SYN3: variants seen among roughly 807,000 people sequenced by gnomAD.
SYN3 encodes the protein synapsin III, also known as synapsin-3.
A neutral mutation model predicts 65.8 loss-of-function variants in SYN3; 35 were observed. The ratio of observed to expected loss-of-function variants is 0.53; its 90% CI spans 0.41 to 0.70. The LOEUF is 0.70. Among genes scored for constraint, SYN3 ranks in the 30% least tolerant of loss-of-function variants. The probability of loss-of-function intolerance (pLI) is 0.00; values close to 1 mark genes in which losing one functional copy is unlikely to be tolerated. For synonymous variants in SYN3, 270 were observed against 292.9 expected (o/e 0.92, Z 0.80); for missense variants, 680 against 749.0 (o/e 0.91, Z 1.08).
chr22:32,834,689 C>T (rs2047679003), intron 6 of SYN3, among the ~76,000 whole-genome samples: 1 of 152,208 alleles, frequency 6.6e-6, no homozygotes, highest in Non-Finnish European at 1.5e-5. Context: ...CATTACAGCC[C>T]TCCTTCAAAG....
chr22:32,807,023 C>T (rs922704875), intron 6 of SYN3, among the ~76,000 whole-genome samples: 1 of 151,524 alleles, frequency 6.6e-6, no homozygotes, highest in African/African-American at 2.4e-5. Context: ...TTCAACAATG[C>T]GTACTAGAGA....
chr22:32,639,352 G>C (rs1171025597), intron 6 of SYN3, among the ~76,000 whole-genome samples: 1 of 152,114 alleles, frequency 6.6e-6, no homozygotes, highest in East Asian at 1.9e-4. Context: ...GTGAATAAGG[G>C]AGTCCTTTCC....
intron 6 of SYN3, among the ~76,000 whole-genome samples, chr22:32,632,434 A>AC (rs5845011): frequency 0.66 from 99,556 of 151,984 alleles, 34,302 homozygotes; most frequent in African/African-American, 0.86. Context: ...CACAAACAAG[A>AC]CATGTTTGTG....
chr22:32,604,944 T>G (rs1207359804), intron 6 of SYN3, among the ~76,000 whole-genome samples: 5 of 143,824 alleles, frequency 3.5e-5, no homozygotes, highest in Admixed American at 7.3e-5. Flanking sequence ...AGGTGGAGCT[T>G]GCAGTGAGCC....
chr22:32,962,250 C>T, intron 3 of SYN3, among the ~76,000 whole-genome samples: 1 of 151,022 alleles, frequency 6.6e-6, no homozygotes, highest in African/African-American at 2.4e-5. Context: ...ATTCTCCTGC[C>T]TCAGCCTCCT....
intron 4 of SYN3, among the ~76,000 whole-genome samples, chr22:32,920,789 A>G (rs2050317204): frequency 6.6e-6 from 1 of 152,118 alleles, no homozygotes. Context: ...TCCCTTGCTG[A>G]AAGGTTTCTG....
intron 3 of SYN3, among the ~76,000 whole-genome samples, chr22:32,970,385 T>C (rs1337504259): frequency 6.6e-6 from 1 of 151,428 alleles, no homozygotes; most frequent in Non-Finnish European, 1.5e-5. Context: ...CTCACACCTG[T>C]AATCCCGACA....
chr22:32,850,859 A>T (rs2048199017), intron 6 of SYN3, among the ~76,000 whole-genome samples: 4 of 152,180 alleles, frequency 2.6e-5, no homozygotes, highest in Admixed American at 2.6e-4. Context: ...AAGGGAGTGG[A>T]GGAGTGACGC....
intron 6 of SYN3, among the ~76,000 whole-genome samples, chr22:32,651,564 T>TTGAATGAATGAATGAATGAATGAA (rs143229085): frequency 3.0e-4 from 46 of 150,960 alleles, no homozygotes; most frequent in South Asian, 6.3e-4. Context: ...GGATGCATGC[T>TTGAATGAATGAATGAATGAATGAA]TGAATGAATG....
chr22:32,998,477 C>T lies in SYN3; in HGVS notation c.311+7875G>A, dbSNP rs116194574. Among the ~76,000 whole-genome samples, 249 of 152,092 alleles carry T rather than the reference C, an allele frequency of 1.6e-3. 2 individuals carry two copies. Among genetic ancestry groups the T allele is most frequent in the African/African-American group, 5.8e-3 (239 of 41,486 alleles). On this transcript the variant is annotated intron_variant, in intron 2 of 13. Coordinates refer to ENST00000358763, the MANE Select transcript of SYN3 (RefSeq NM_003490.4). ...CAGCAAAGATAGCAATAGATCATTG[C>T]GGAAATGGAAGAGCAGATTTTCTGA...
chr22:32,637,729 C>T (rs1321761613), intron 6 of SYN3, among the ~76,000 whole-genome samples: 1 of 145,292 alleles, frequency 6.9e-6, no homozygotes, highest in Admixed American at 7.1e-5. Context: ...CTTCTGCTTC[C>T]AAGGCTTAAG....
At chr22:32,927,313 A>G (rs970726479) in intron 4 of SYN3, among the ~76,000 whole-genome samples, 8 of 150,956 alleles carry the variant, frequency 5.3e-5, no homozygotes, top group Admixed American at 4.6e-4. Flanking sequence ...ACCCAGGCTA[A>G]AGTGCAGTGG....
chr22:32,811,498 A>C (rs1468932551), intron 6 of SYN3, among the ~76,000 whole-genome samples: 1 of 152,166 alleles, frequency 6.6e-6, no homozygotes, highest in African/African-American at 2.4e-5. Context: ...GCTGAGTTTC[A>C]ATTCAAAATC....
At chr22:32,933,403 C>T (rs368284509) in intron 3 of SYN3, among the ~76,000 whole-genome samples, 17 of 152,166 alleles carry the variant, frequency 1.1e-4, no homozygotes, top group Non-Finnish European at 2.1e-4. Context: ...CAAACCCAGG[C>T]GGTGTGGCAC....
intron 3 of SYN3, among the ~76,000 whole-genome samples, chr22:32,966,208 C>G (rs550865215): frequency 1.3e-5 from 2 of 152,208 alleles, no homozygotes; most frequent in East Asian, 3.9e-4. Context: ...AGGGAAGAGG[C>G]ACCTCACCCT....
Position 32,512,357 on chromosome 22 carries a change from C to A in SYN3, c.*1335G>T, listed in dbSNP as rs945676220. 8.5e-5 allele frequency among the ~76,000 whole-genome samples: 13 copies of A among 152,180 alleles called. No homozygotes were observed. Among genetic ancestry groups the A allele is most frequent in the African/African-American group, 3.1e-4 (13 of 41,448 alleles). On this transcript the variant is annotated 3_prime_UTR_variant, in exon 14 of 14. Transcript: ENST00000358763. ...GGCTAACATGGCTATGTTCTAATAT[C>A]TTGGGCTCTCTTTGGGACCAGGAGG...
At chr22:32,819,678 C>T (rs113376806) in intron 6 of SYN3, among the ~76,000 whole-genome samples, 75 of 152,272 alleles carry the variant, frequency 4.9e-4, no homozygotes, top group Middle Eastern at 6.8e-3. Context: ...CAATCAAGGA[C>T]CTGGAGTAAG....
rs886562196 is a variant in SYN3 at position 32,918,555 on chromosome 22, G to A, written c.461+12835C>T. Among the ~76,000 whole-genome samples the A allele has an allele frequency of 3.3e-5, 5 of 152,160 alleles. No individual in the cohort carries two copies. In the South Asian group the frequency reaches 8.3e-4, roughly 25 times the overall value. On this transcript the variant is annotated intron_variant, in intron 4 of 13. Transcript: ENST00000358763. ...TAATATTATATGTCTCTGTATTAGC[G>A]ATCTAGCTAGAATCGCTTCAGGCAG...
chr22:32,778,722 C>A (rs1270431678), intron 6 of SYN3, among the ~76,000 whole-genome samples: 2 of 152,098 alleles, frequency 1.3e-5, no homozygotes, highest in Non-Finnish European at 2.9e-5. Context: ...TGCAGCGTCA[C>A]CGAAGAAAGT....
Sources: gnomAD v4.1 joint callset for allele counts (sites outside exome capture counted in the v4.1 genomes callset) on GRCh38, gnomAD v4.1.1 for gene constraint, MANE v1.5 for transcripts, NCBI Gene and HGNC (gene_info 2026-07-23, HGNC 2026-07-21) for gene names.